XKR9: variants seen among roughly 807,000 people sequenced by gnomAD.
XKR9 encodes XK-related protein 9.
XKR9 carries 32 observed loss-of-function variants against 32.0 expected under a neutral mutation model. The observed-to-expected ratio is 1.00, with a 90% CI of 0.76 to 1.34. The LOEUF is 1.34. Ranked by LOEUF, XKR9 falls within the 40% of genes most tolerant of loss-of-function variation. The probability of loss-of-function intolerance (pLI) is 0.00; values close to 1 mark genes in which losing one functional copy is unlikely to be tolerated. For synonymous variants in XKR9, 168 were observed against 143.4 expected (o/e 1.17, Z -1.22); for missense variants, 546 against 429.7 (o/e 1.27, Z -2.39).
At chr8:70,801,894 G>A in the XKR9 span, among the ~76,000 whole-genome samples, 3 of 151,598 alleles carry the variant, frequency 2.0e-5, no homozygotes, top group Non-Finnish European at 2.9e-5. Flanking sequence ...TTATTGAATT[G>A]AACTGTTTCC....
At chr8:70,905,478 T>C in the XKR9 span, among the ~76,000 whole-genome samples, 2 of 152,206 alleles carry the variant, frequency 1.3e-5, no homozygotes, top group Non-Finnish European at 2.9e-5. Context: ...ATCAGGTCAT[T>C]TAAGGTCTTC....
At chr8:70,737,328 G>A (rs1354263929), downstream of XKR9, among the ~76,000 whole-genome samples, 1 of 146,404 alleles carries the variant, frequency 6.8e-6, no homozygotes, top group Non-Finnish European at 1.5e-5. Context: ...TGTATCCTGA[G>A]ACTTTGCCGA....
At chr8:70,904,490 C>T in the XKR9 span, among the ~76,000 whole-genome samples, 6 of 152,184 alleles carry the variant, frequency 3.9e-5, no homozygotes, top group Non-Finnish European at 8.8e-5. Context: ...TTCCTCCATC[C>T]CTTTATTTTG....
intron 3 of XKR9, among the ~76,000 whole-genome samples, chr8:70,682,292 G>A (rs1819108949): frequency 6.6e-6 from 1 of 152,136 alleles, no homozygotes; most frequent in South Asian, 2.1e-4. Flanking sequence ...TACTCTGTAT[G>A]AGCAATATTG....
chr8:70,952,943 T>G, the XKR9 span, among the ~76,000 whole-genome samples: 1 of 152,236 alleles, frequency 6.6e-6, no homozygotes, highest in Non-Finnish European at 1.5e-5. Context: ...CATCCAAGTA[T>G]GTGATCAGTG....
At chr8:71,016,648 C>T in the XKR9 span, among the ~76,000 whole-genome samples, 1 of 152,304 alleles carries the variant, frequency 6.6e-6, no homozygotes, top group South Asian at 2.1e-4. Flanking sequence ...AGCTACTCTT[C>T]TTGAATCAAA....
At chr8:70,792,024 A>G (rs1314264931), downstream of XKR9, among the ~76,000 whole-genome samples, 1 of 151,884 alleles carries the variant, frequency 6.6e-6, no homozygotes, top group Non-Finnish European at 1.5e-5. Flanking sequence ...CCTACCACAC[A>G]CTTCTCCTCT....
chr8:70,752,736 A>G (rs1021218613), intron 2 of XKR9, among the ~76,000 whole-genome samples: 3 of 152,212 alleles, frequency 2.0e-5, no homozygotes, highest in African/African-American at 7.2e-5. Context: ...AAGACACAAC[A>G]TACCAGAATC....
chr8:70,799,340 A>T, the XKR9 span, among the ~76,000 whole-genome samples: 8 of 151,620 alleles, frequency 5.3e-5, no homozygotes, highest in African/African-American at 1.2e-4. Flanking sequence ...TTATTTATTT[A>T]TTTTTTTTGA....
chr8:71,038,147 T>G, the XKR9 span, among the ~76,000 whole-genome samples: 2 of 152,200 alleles, frequency 1.3e-5, no homozygotes, highest in African/African-American at 4.8e-5. Context: ...AAATTGAACT[T>G]TGTCAGCTTG....
At chr8:70,820,077 A>G in the XKR9 span, among the ~76,000 whole-genome samples, 1 of 152,186 alleles carries the variant, frequency 6.6e-6, no homozygotes. Context: ...AAAAGCAGGA[A>G]GGTCATTCTC....
intron 3 of XKR9, among the ~76,000 whole-genome samples, chr8:70,681,642 T>A (rs1336791671): frequency 2.6e-5 from 4 of 152,124 alleles, no homozygotes; most frequent in East Asian, 3.8e-4. Flanking sequence ...TAAGTCTGAT[T>A]GTGTAAATAT....
At chr8:71,005,835 C>G in the XKR9 span, among the ~76,000 whole-genome samples, 1 of 152,174 alleles carries the variant, frequency 6.6e-6, no homozygotes, top group Non-Finnish European at 1.5e-5. Context: ...TTCCTCCTTA[C>G]AGCTGCTGAG....
the XKR9 span, among the ~76,000 whole-genome samples, chr8:70,910,772 T>A: frequency 1.3e-5 from 2 of 152,320 alleles, no homozygotes; most frequent in South Asian, 4.1e-4. Context: ...AATCAAAGTG[T>A]CTTATCTGGA....
chr8:70,851,767 T>C, the XKR9 span, among the ~76,000 whole-genome samples: 5 of 152,178 alleles, frequency 3.3e-5, no homozygotes, highest in African/African-American at 1.2e-4. Flanking sequence ...CCTTACACCT[T>C]ATACAAAAAT....
the XKR9 span, among the ~76,000 whole-genome samples, chr8:70,814,312 G>A: frequency 2.0e-5 from 3 of 152,046 alleles, no homozygotes; most frequent in South Asian, 2.1e-4. Context: ...GAAAGGGGGA[G>A]GGATAGCATT....
the XKR9 span, among the ~76,000 whole-genome samples, chr8:70,951,863 T>A: frequency 5.8e-5 from 8 of 138,202 alleles, no homozygotes; most frequent in Admixed American, 2.2e-4. Flanking sequence ...CTCCATAGCA[T>A]CATTGGGGGG....
the XKR9 span, among the ~76,000 whole-genome samples, chr8:71,032,309 C>G: frequency 7.9e-6 from 1 of 126,492 alleles, no homozygotes; most frequent in Non-Finnish European, 1.6e-5. Flanking sequence ...AAAAAAAAAA[C>G]CACTTTGGAA....
intron 2 of XKR9, among the ~76,000 whole-genome samples, chr8:70,776,314 T>G (rs1025089551): frequency 6.6e-6 from 1 of 152,180 alleles, no homozygotes; most frequent in African/African-American, 2.4e-5. Context: ...AAGGAATATG[T>G]CTGTTTCAAC....
Sources: gnomAD v4.1 joint callset for allele counts (sites outside exome capture counted in the v4.1 genomes callset) on GRCh38, gnomAD v4.1.1 for gene constraint, MANE v1.5 for transcripts, NCBI Gene and HGNC (gene_info 2026-07-23, HGNC 2026-07-21) for gene names.